The following ADAMTS3 variants were observed in gnomAD, a reference collection of about 807,000 sequenced individuals.
ADAMTS3 encodes A disintegrin and metalloproteinase with thrombospondin motifs 3.
ADAMTS3 carries 73 observed loss-of-function variants against 129.0 expected under a neutral mutation model. The observed-to-expected ratio is 0.57, with a 90% CI of 0.47 to 0.69. The LOEUF (loss-of-function observed/expected upper bound fraction) is 0.69, where lower values mean the gene tolerates loss of function less well. ADAMTS3 is among the 30% of genes least tolerant of loss of function. The probability of loss-of-function intolerance (pLI) is 0.00; values close to 1 mark genes in which losing one functional copy is unlikely to be tolerated. For synonymous variants in ADAMTS3, 477 were observed against 510.8 expected (o/e 0.93, Z 0.89); for missense variants, 1,457 against 1,514.5 (o/e 0.96, Z 0.63).
chr4:72,289,887 T>C (rs989118381), intron 20 of ADAMTS3, among the ~76,000 whole-genome samples: 3 of 152,190 alleles, frequency 2.0e-5, no homozygotes, highest in Admixed American at 1.3e-4. Context: ...AATAAACTTT[T>C]GTTCTTTATA....
chr4:72,551,602 C>G (rs1721648047), intron 2 of ADAMTS3, among the ~76,000 whole-genome samples: 1 of 152,074 alleles, frequency 6.6e-6, no homozygotes. Flanking sequence ...ATGGAACTAC[C>G]CAGTCACCTG....
intron 4 of ADAMTS3, among the ~76,000 whole-genome samples, chr4:72,411,664 A>G (rs1190077496): frequency 1.3e-5 from 2 of 152,130 alleles, no homozygotes. Context: ...CACCATTTTG[A>G]AAATTCACTC....
At chr4:72,338,122 T>G (rs1720036895) in intron 5 of ADAMTS3, among the ~76,000 whole-genome samples, 2 of 152,150 alleles carry the variant, frequency 1.3e-5, no homozygotes, top group African/African-American at 2.4e-5. Flanking sequence ...GGATGACTTG[T>G]ATTTACACAC....
At chr4:72,331,023 TAAGA>T (rs928803635) in intron 5 of ADAMTS3, among the ~76,000 whole-genome samples, 25 of 152,122 alleles carry the variant, frequency 1.6e-4, no homozygotes, top group African/African-American at 4.8e-4. Flanking sequence ...ATCTGTAACT[TAAGA>T]AAGAAGAAAG....
chr4:72,365,915 A>C (rs915057451), intron 4 of ADAMTS3, among the ~76,000 whole-genome samples: 1 of 152,222 alleles, frequency 6.6e-6, no homozygotes, highest in African/African-American at 2.4e-5. Flanking sequence ...GTTCGAAAAC[A>C]TGCAAAGTAA....
In ADAMTS3 at chr4:72,318,679, G is replaced by A; in HGVS notation, c.1378C>T (p.Pro460Ser). 6.2e-7 allele frequency: 1 copy of A among 1,613,486 alleles called. No individual in the cohort carries two copies. The highest frequency in any genetic ancestry group is 8.5e-7 in the Non-Finnish European group (1 of 1,179,718). Residue 460 changes from proline (P) to serine (S), a missense_variant, in exon 10 of 22, where the codon CCT (proline) becomes TCT (serine). By Grantham distance (74) the Pro-to-Ser change is moderately conservative (BLOSUM62 -1). Transcript: ENST00000286657. ...AGTTTAGGCCAATCATGATCAAAAG[G>A]GTCATCAAGGAGACAGTCATAGGAA... ...IHSYDCLLDD[P>S]FDHDWPKLPE...
chr4:72,461,581 G>C (rs759702961), intron 3 of ADAMTS3, among the ~76,000 whole-genome samples: 1 of 151,778 alleles, frequency 6.6e-6, no homozygotes, highest in South Asian at 2.1e-4. Flanking sequence ...CTAAAGCAGA[G>C]GGCATGGCAG....
intron 5 of ADAMTS3, among the ~76,000 whole-genome samples, chr4:72,338,970 T>C (rs1373748122): frequency 6.6e-6 from 1 of 152,186 alleles, no homozygotes. Flanking sequence ...GTGCCAATAG[T>C]TGTATGCTTT....
intron 3 of ADAMTS3, among the ~76,000 whole-genome samples, chr4:72,461,770 T>C (rs1172805495): frequency 6.6e-6 from 1 of 151,936 alleles, no homozygotes; most frequent in Non-Finnish European, 1.5e-5. Flanking sequence ...TTACTTGGTA[T>C]AAGTGATGTT....
At chr4:72,430,892 G>C (rs891825442) in intron 3 of ADAMTS3, among the ~76,000 whole-genome samples, 5 of 150,068 alleles carry the variant, frequency 3.3e-5, no homozygotes, top group African/African-American at 1.2e-4. Context: ...GATGAGGCAA[G>C]AGATTATAAT....
At chr4:72,332,177 G>A (rs1719868777) in intron 5 of ADAMTS3, among the ~76,000 whole-genome samples, 2 of 152,156 alleles carry the variant, frequency 1.3e-5, no homozygotes, top group Admixed American at 1.3e-4. Context: ...GCATGAATAT[G>A]TATACTTTCC....
At chr4:72,495,727 C>CTA (rs74738035) in intron 3 of ADAMTS3, among the ~76,000 whole-genome samples, 139,828 of 151,876 alleles carry the variant, frequency 0.92, 64,520 homozygotes, top group Middle Eastern at 0.98. Flanking sequence ...TCACAGTAAC[C>CTA]TATATATATT....
intron 2 of ADAMTS3, among the ~76,000 whole-genome samples, chr4:72,555,210 A>T (rs1284044392): frequency 6.6e-6 from 1 of 151,786 alleles, no homozygotes; most frequent in Non-Finnish European, 1.5e-5. Context: ...AGATTAAGTA[A>T]CTTAACCCAA....
Position 72,346,008 on chromosome 4 carries a change from G to A in ADAMTS3, c.662-6315C>T, listed in dbSNP as rs113769178. ...AGTTCCAGAGGTATGGTGATTCCTG[G>A]TTAATCCATCAATAGGTCATCAAGG... On this transcript the variant is annotated intron_variant, in intron 4 of 21. Coordinates refer to ENST00000286657, the MANE Select transcript of ADAMTS3 (RefSeq NM_014243.3). Among the ~76,000 whole-genome samples the A allele has an allele frequency of 1.9e-3, 290 of 152,088 alleles. 4 individuals carry two copies. Among genetic ancestry groups the A allele is most frequent in the African/African-American group, 6.6e-3 (272 of 41,508 alleles).
chr4:72,568,056 A>T (rs922375639), intron 1 of ADAMTS3: 2 of 153,120 alleles, frequency 1.3e-5, no homozygotes, highest in African/African-American at 4.8e-5. Context: ...GCAGAGGGGG[A>T]GGGGAGAAGG....
At chr4:72,416,526 C>T (rs539973303) in intron 3 of ADAMTS3, among the ~76,000 whole-genome samples, 2 of 152,104 alleles carry the variant, frequency 1.3e-5, no homozygotes, top group Non-Finnish European at 2.9e-5. Flanking sequence ...CTTAAAAGAG[C>T]ATTGAGCTAG....
intron 3 of ADAMTS3, among the ~76,000 whole-genome samples, chr4:72,532,626 A>G (rs1721073767): frequency 1.3e-5 from 2 of 152,218 alleles, no homozygotes; most frequent in East Asian, 3.9e-4. Flanking sequence ...TGATTTCATC[A>G]CTACGTGAAC....
Position 72,318,630 on chromosome 4 carries a change from T to C in ADAMTS3, c.1427A>G (p.Tyr476Cys). Residue 476 changes from tyrosine (Y) to cysteine (C), a missense_variant, in exon 10 of 22, where the codon TAT becomes TGT. Physicochemically the swap from Tyr to Cys is radical, Grantham distance 194 (BLOSUM62 -2). Transcript: ENST00000286657. The part of the protein sequence containing the change: ...PKLPELPGIN[Y>C]SMDEQCRFDF... ...AAAACGACATTGCTCATCCATAGAA[T>C]AATTGATTCCAGGAAGTTCTGGGAG... 6.2e-7 allele frequency: 1 copy of C among 1,613,818 alleles called. No homozygotes were observed. Among genetic ancestry groups the C allele is most frequent in the Non-Finnish European group, 8.5e-7 (1 of 1,179,886 alleles).
intron 3 of ADAMTS3, among the ~76,000 whole-genome samples, chr4:72,504,703 A>G (rs1189495911): frequency 1.3e-5 from 2 of 152,162 alleles, no homozygotes; most frequent in East Asian, 1.9e-4. Context: ...AGAAACACCA[A>G]TAATTTGTAT....
Sources: gnomAD v4.1 joint callset for allele counts (sites outside exome capture counted in the v4.1 genomes callset) on GRCh38, gnomAD v4.1.1 for gene constraint, MANE v1.5 for transcripts, NCBI Gene and HGNC (gene_info 2026-07-23, HGNC 2026-07-21) for gene names.